The following STXBP4 variants were observed in gnomAD, a reference collection of about 807,000 sequenced individuals.
STXBP4 encodes the protein syntaxin-binding protein 4.
Under a neutral mutation model 76.1 loss-of-function variants are expected in STXBP4, and 55 were observed. The ratio of observed to expected loss-of-function variants is 0.72; its 90% confidence interval spans 0.58 to 0.91. STXBP4 has a LOEUF of 0.91. STXBP4 is among the 40% of genes least tolerant of loss of function. The probability of loss-of-function intolerance (pLI) is 0.00; values close to 1 mark genes in which losing one functional copy is unlikely to be tolerated. For synonymous variants in STXBP4, 201 were observed against 220.2 expected, an observed-to-expected ratio of 0.91 and a Z score of 0.77; for missense variants, 618 against 636.9, an observed-to-expected ratio of 0.97 and a Z score of 0.32.
chr17:55,012,003 G>T (rs1448673629), intron 8 of STXBP4, among the ~76,000 whole-genome samples: 1 of 152,204 alleles, frequency 6.6e-6, no homozygotes, highest in African/African-American at 2.4e-5. Flanking sequence ...GGGCTAGCAG[G>T]CCGGTCCAGG....
intron 8 of STXBP4, among the ~76,000 whole-genome samples, chr17:55,027,366 T>C (rs984795633): frequency 6.6e-6 from 1 of 152,096 alleles, no homozygotes; most frequent in African/African-American, 2.4e-5. Context: ...TTGAGTATCA[T>C]AAGGCAAGCA....
chr17:55,143,300 T>A (rs2080114704), intron 17 of STXBP4, among the ~76,000 whole-genome samples: 1 of 152,166 alleles, frequency 6.6e-6, no homozygotes, highest in Non-Finnish European at 1.5e-5. Flanking sequence ...AGAAAGAAAA[T>A]TAGCATTCAT....
At position 55,173,435 on chromosome 17, in the gene STXBP4, G is replaced by C. The variant is rs2080417039; in HGVS notation, c.*13524G>C. On this transcript the variant is annotated 3_prime_UTR_variant, in exon 18 of 18. Coordinates refer to ENST00000376352, the MANE Select transcript of STXBP4 (RefSeq NM_178509.6). Reference sequence around the variant, plus strand: ...ATAATCATGTATTATGTAACATTCTGAGACAGGCTTCTTTCACCCAGCATA... The same window carrying C: ...ATAATCATGTATTATGTAACATTCTCAGACAGGCTTCTTTCACCCAGCATA... 1.3e-5 allele frequency: 2 copies of C among 152,154 alleles called. No homozygotes were observed. Among genetic ancestry groups the C allele is most frequent in the Non-Finnish European group, 2.9e-5 (2 of 68,038 alleles). The allele number at this position is 152,154 out of a possible 1,614,324, so 9.4% of individuals were successfully genotyped here. A position where few individuals can be genotyped will look rare whatever the true frequency, so the allele number is the denominator to read the frequency against.
chr17:55,046,951 G>A (rs2078797856), intron 11 of STXBP4, 138 bp from the exon 12 acceptor site: 6 of 539,638 alleles, frequency 1.1e-5, no homozygotes. Context: ...TGTAAAGCCA[G>A]AAAAATGACT....
intron 16 of STXBP4, among the ~76,000 whole-genome samples, chr17:55,136,097 T>C (rs899412211): frequency 2.0e-5 from 3 of 152,152 alleles, no homozygotes; most frequent in African/African-American, 7.2e-5. Flanking sequence ...CAAATTGTTG[T>C]GATGTACAAT....
intron 3 of STXBP4, 137 bp from the exon 4 acceptor site, chr17:54,990,688 G>T: frequency 9.7e-7 from 1 of 1,028,396 alleles, no homozygotes; most frequent in Non-Finnish European, 1.3e-6. Flanking sequence ...TGTCTTCCAT[G>T]AAACAAGTCC....
intron 10 of STXBP4, among the ~76,000 whole-genome samples, chr17:55,041,228 CTTTTTTTTTTTT>C (rs373020633): frequency 8.2e-6 from 1 of 122,234 alleles, no homozygotes; most frequent in Admixed American, 8.7e-5. Flanking sequence ...TTTATTTAAA[CTTTTTTTTTTTT>C]TTTTTTTTTG....
the STXBP4 span, among the ~76,000 whole-genome samples, chr17:55,178,683 A>T: frequency 6.6e-6 from 1 of 152,232 alleles, no homozygotes; most frequent in Non-Finnish European, 1.5e-5. Flanking sequence ...TCTGCAAGCT[A>T]CAGTAGACTC....
chr17:55,088,850 G>A (rs2079373690), intron 16 of STXBP4, among the ~76,000 whole-genome samples: 1 of 152,174 alleles, frequency 6.6e-6, no homozygotes, highest in African/African-American at 2.4e-5. Context: ...TAAGGAACAT[G>A]AATGCTTTCC....
At chr17:55,076,511 C>T (rs758473554) in intron 13 of STXBP4, among the ~76,000 whole-genome samples, 3 of 152,032 alleles carry the variant, frequency 2.0e-5, no homozygotes, top group Admixed American at 6.6e-5. Context: ...GTTTTTATTT[C>T]GTGTTTGTGA....
the STXBP4 span, among the ~76,000 whole-genome samples, chr17:55,191,383 A>G: frequency 6.6e-6 from 1 of 152,140 alleles, no homozygotes; most frequent in African/African-American, 2.4e-5. Flanking sequence ...CAGCTGGAGA[A>G]AACGCATTCT....
At chr17:55,086,397 G>A (rs1185678111) in intron 16 of STXBP4, among the ~76,000 whole-genome samples, 3 of 152,008 alleles carry the variant, frequency 2.0e-5, no homozygotes, top group Admixed American at 1.3e-4. Flanking sequence ...CTTTGGTTGG[G>A]AACATTCAAT....
chr17:54,983,764 G>C (rs2077583771), intron 1 of STXBP4, among the ~76,000 whole-genome samples: 1 of 152,158 alleles, frequency 6.6e-6, no homozygotes, highest in Non-Finnish European at 1.5e-5. Flanking sequence ...TTGAGAATCT[G>C]CTCCATGCGT....
Position 54,986,230 on chromosome 17 carries a change from A to G in STXBP4, c.11A>G (p.Asn4Ser). Residue 4 changes from asparagine (N) to serine (S), a missense_variant, in exon 3 of 18, where the codon AAT (asparagine) becomes AGT (serine). Asn to Ser is a conservative substitution (Grantham distance 46, BLOSUM62 1). Coordinates refer to ENST00000376352, the MANE Select transcript of STXBP4 (RefSeq NM_178509.6). The stretch of plus-strand genomic sequence containing the variant: ...TACTTTGGTGAAAGCATGAATAAAA[A>G]TACATCTACTGTAGTATCACCCAGT... MNK[N>S]TSTVVSPSLL... 1 of 1,603,670 alleles carries G rather than the reference A, an allele frequency of 6.2e-7. No individual in the cohort carries two copies. Among genetic ancestry groups the G allele is most frequent in the Non-Finnish European group, 8.5e-7 (1 of 1,175,382 alleles).
At chr17:54,969,401 G>A (rs1054054019) in intron 1 of STXBP4, among the ~76,000 whole-genome samples, 13 of 152,196 alleles carry the variant, frequency 8.5e-5, no homozygotes, top group Non-Finnish European at 1.9e-4. Flanking sequence ...TTAGAAGGAA[G>A]CATCTTTCTA....
rs554910771 is a variant in STXBP4 at position 55,150,961 on chromosome 17, G to T, written c.1548-8836G>T. ...CGTGACTCCTTAACAGTAGAAGAGG[G>T]AGGCAGAAAAAGAGAGTCAGAAAGA... On this transcript the variant is annotated intron_variant, in intron 17 of 17. Transcript: ENST00000376352. 2.6e-5 allele frequency among the ~76,000 whole-genome samples: 4 copies of T among 152,266 alleles called. No homozygotes were observed. In the East Asian group the frequency reaches 7.7e-4, roughly 29 times the overall value.
At chr17:55,057,654 G>A (rs980559606) in intron 12 of STXBP4, among the ~76,000 whole-genome samples, 1 of 152,040 alleles carries the variant, frequency 6.6e-6, no homozygotes, top group African/African-American at 2.4e-5. Context: ...CCGACATCTA[G>A]GTTTTAAGCC....
At chr17:55,107,961 G>T (rs532455398) in intron 16 of STXBP4, among the ~76,000 whole-genome samples, 1 of 152,212 alleles carries the variant, frequency 6.6e-6, no homozygotes, top group African/African-American at 2.4e-5. Context: ...TGGGAGATCC[G>T]CTGCGCTCTT....
intron 16 of STXBP4, among the ~76,000 whole-genome samples, chr17:55,132,124 C>A (rs2079979689): frequency 6.6e-6 from 1 of 152,208 alleles, no homozygotes; most frequent in Non-Finnish European, 1.5e-5. Flanking sequence ...AGAAGAATAT[C>A]AACTCTTGGG....
Sources: allele counts gnomAD v4.1 joint callset (sites outside exome capture counted in the v4.1 genomes callset), GRCh38; gene constraint gnomAD v4.1.1; transcripts MANE v1.5; gene names NCBI Gene and HGNC (gene_info 2026-07-23, HGNC 2026-07-21).